The following ZNF736 variants were observed in gnomAD, a reference collection of about 807,000 sequenced individuals.
ZNF736 encodes KRAB-containing zinc-finger repressor protein.
ZNF736 carries 6 observed loss-of-function variants against 11.7 expected under a neutral mutation model. The observed-to-expected ratio is 0.51, with a 90% CI of 0.28 to 1.01. ZNF736 has a LOEUF of 1.01. Ranked by LOEUF, ZNF736 falls within the 50% of genes least tolerant of loss-of-function variation. ZNF736 has a pLI of 0.09. For missense variants in ZNF736, 444 were observed against 496.0 expected, an observed-to-expected ratio of 0.90 and a Z score of 1.00; for synonymous variants, 139 against 164.7, an observed-to-expected ratio of 0.84 and a Z score of 1.19.
chr7:64,328,741 G>A (rs940722255), intron 1 of ZNF736, among the ~76,000 whole-genome samples: 5 of 152,000 alleles, frequency 3.3e-5, no homozygotes, highest in African/African-American at 9.7e-5. Flanking sequence ...CAGCCTGGGC[G>A]ACAGAGCGAG....
At chr7:64,317,261 T>C (rs1369388023) in intron 1 of ZNF736, among the ~76,000 whole-genome samples, 1 of 152,224 alleles carries the variant, frequency 6.6e-6, no homozygotes, top group African/African-American at 2.4e-5. Flanking sequence ...GCAATGGATG[T>C]AACAGTTTTA....
intron 1 of ZNF736, among the ~76,000 whole-genome samples, chr7:64,316,010 C>T (rs948965377): frequency 1.3e-5 from 2 of 152,164 alleles, no homozygotes; most frequent in Non-Finnish European, 2.9e-5. Context: ...TCTCTAGGCA[C>T]GCGCGCCTTC....
intron 1 of ZNF736, among the ~76,000 whole-genome samples, chr7:64,327,194 T>C (rs562827947): frequency 6.6e-6 from 1 of 152,324 alleles, no homozygotes; most frequent in Admixed American, 6.5e-5. Flanking sequence ...TTGCTTCATA[T>C]ATCTGAGTTC....
chr7:64,334,474 G>A (rs542598618), intron 1 of ZNF736, among the ~76,000 whole-genome samples: 2 of 152,182 alleles, frequency 1.3e-5, no homozygotes, highest in South Asian at 2.1e-4. Flanking sequence ...TCAAAAAGTG[G>A]GTGAAGGATG....
In ZNF736 at chr7:64,350,995, C is replaced by T. The variant is rs2692110; in HGVS notation, c.*1848C>T. The T allele has an allele frequency of 0.92, 139,971 of 152,358 alleles. 64,394 individuals carry two copies. Among genetic ancestry groups the T allele is most frequent in the Non-Finnish European group, 0.94 (64,176 of 68,210 alleles). 9.4% of individuals were successfully genotyped at this position (152,358 alleles called of 1,614,324 possible). On this transcript the variant is annotated 3_prime_UTR_variant, in exon 4 of 4. Transcript: ENST00000423484. ...TGGGATTTCTGCCTGTCTTTGGGTA[C>T]TCACCTCAGTGGCAGGAGCAAAGCA... is the stretch of plus-strand genomic sequence containing the variant.
At chr7:64,331,581 G>A (rs1789166558) in intron 1 of ZNF736, among the ~76,000 whole-genome samples, 1 of 152,106 alleles carries the variant, frequency 6.6e-6, no homozygotes, top group Non-Finnish European at 1.5e-5. Flanking sequence ...CATTCTATTT[G>A]GTGTTTTATC....
At chr7:64,332,573 G>A (rs1362265408) in intron 1 of ZNF736, among the ~76,000 whole-genome samples, 3 of 152,118 alleles carry the variant, frequency 2.0e-5, no homozygotes, top group Admixed American at 6.5e-5. Flanking sequence ...CAGAAAACAG[G>A]TTTCAAGAGC....
At chr7:64,326,655 GA>G (rs1456880113) in intron 1 of ZNF736, among the ~76,000 whole-genome samples, 12 of 24,826 alleles carry the variant, frequency 4.8e-4, no homozygotes, top group Admixed American at 9.5e-4. Context: ...TTTATTTGGA[GA>G]TTTTTTTTTT....
chr7:64,331,389 C>T (rs891141704), intron 1 of ZNF736, among the ~76,000 whole-genome samples: 3 of 152,148 alleles, frequency 2.0e-5, no homozygotes, highest in Admixed American at 2.0e-4. Context: ...CTTCTGTAAG[C>T]ACATGGATTT....
At chr7:64,323,316 T>A (rs1368281603) in intron 1 of ZNF736, among the ~76,000 whole-genome samples, 4 of 152,226 alleles carry the variant, frequency 2.6e-5, no homozygotes, top group African/African-American at 7.2e-5. Context: ...AATATTAAAC[T>A]ACAGTTGCTT....
chr7:64,330,806 G>T (rs653013), intron 1 of ZNF736, among the ~76,000 whole-genome samples: 40,132 of 151,082 alleles, frequency 0.27, 6,303 homozygotes, highest in South Asian at 0.39. Flanking sequence ...AAGGCAGTGT[G>T]TTCTCTTCTG....
chr7:64,335,073 C>G (rs1382701152), intron 1 of ZNF736, among the ~76,000 whole-genome samples: 2 of 152,080 alleles, frequency 1.3e-5, no homozygotes, highest in Non-Finnish European at 2.9e-5. Context: ...TGTTCTCACT[C>G]ATAAGTAGGA....
intron 3 of ZNF736, among the ~76,000 whole-genome samples, chr7:64,339,789 A>C (rs1283718149): frequency 7.3e-6 from 1 of 136,328 alleles, no homozygotes; most frequent in Non-Finnish European, 1.7e-5. Context: ...ATTCCATATA[A>C]ATTTTAAGAT....
At position 64,336,886 on chromosome 7, in the gene ZNF736, G is replaced by A; in HGVS notation, c.131-1G>A. ...TCATGTTTTTTTTTCTAATAAAACA[G>A]GTCTTGCTATCTTTAAGCCAGACTT... On this transcript the variant is annotated splice_acceptor_variant, in intron 2 of 3. Transcript: ENST00000423484. LOFTEE classifies it high-confidence loss of function. The A allele has an allele frequency of 1.3e-6, 2 of 1,584,442 alleles. No individual in the cohort carries two copies. Among genetic ancestry groups the A allele is most frequent in the South Asian group, 2.3e-5 (2 of 88,140 alleles).
chr7:64,332,185 G>T (rs1789179831), intron 1 of ZNF736, among the ~76,000 whole-genome samples: 1 of 152,226 alleles, frequency 6.6e-6, no homozygotes. Context: ...TATCATGTGT[G>T]TAGAACTTGC....
At chr7:64,336,052 T>C (rs566835364) in intron 1 of ZNF736, among the ~76,000 whole-genome samples, 86 of 152,320 alleles carry the variant, frequency 5.6e-4, no homozygotes, top group African/African-American at 1.9e-3. Flanking sequence ...AAGAAAAGTA[T>C]TGCACATACA....
chr7:64,343,953 C>CTTTTTTTTTTTTTTTT (rs142010013), intron 3 of ZNF736, among the ~76,000 whole-genome samples: 2 of 147,980 alleles, frequency 1.4e-5, no homozygotes, highest in Non-Finnish European at 1.5e-5. Context: ...TGTATATTTG[C>CTTTTTTTTTTTTTTTT]TTTTTTTTTT....
chr7:64,316,966 A>G (rs1788926551), intron 1 of ZNF736, among the ~76,000 whole-genome samples: 1 of 152,218 alleles, frequency 6.6e-6, no homozygotes, highest in African/African-American at 2.4e-5. Flanking sequence ...ATGCCTGCAG[A>G]AAAATAAATA....
chr7:64,323,782 C>T (rs1789039221), intron 1 of ZNF736, among the ~76,000 whole-genome samples: 1 of 152,094 alleles, frequency 6.6e-6, no homozygotes, highest in South Asian at 2.1e-4. Flanking sequence ...GGGTGCTGAG[C>T]TTAATACATG....
Sources: allele counts gnomAD v4.1 joint callset (sites outside exome capture counted in the v4.1 genomes callset), GRCh38; gene constraint gnomAD v4.1.1; transcripts MANE v1.5; gene names NCBI Gene and HGNC (gene_info 2026-07-23, HGNC 2026-07-21).